Variants in RBM17 observed in about 807,000 individuals in gnomAD.
RBM17 encodes splicing factor 45.
RBM17 carries 7 observed loss-of-function variants against 53.2 expected under a neutral mutation model. The ratio of observed to expected loss-of-function variants is 0.13; its 90% CI spans 0.07 to 0.25. RBM17 has a LOEUF of 0.25. RBM17 is among the 10% of genes least tolerant of loss of function. RBM17 has a pLI of 1.00. For missense variants in RBM17, 257 were observed against 496.7 expected, an observed-to-expected ratio of 0.52 and a Z score of 4.59; for synonymous variants, 167 against 178.1, an observed-to-expected ratio of 0.94 and a Z score of 0.50.
chr10:6,090,758 T>A (rs926464201), intron 1 of RBM17, among the ~76,000 whole-genome samples: 1 of 152,034 alleles, frequency 6.6e-6, no homozygotes, highest in Non-Finnish European at 1.5e-5. Context: ...TGTAGTGGAC[T>A]GTGTTTGCAA....
At position 6,117,216 on chromosome 10, in the gene RBM17, C is replaced by G. The variant is rs1013859579; in HGVS notation, c.*1660C>G. On this transcript the variant is annotated 3_prime_UTR_variant, in exon 12 of 12. Transcript: ENST00000379888. ...CAACCAACTCATACTACTTGATTTC[C>G]GTTCGCATGAGGACAGCTTGGTGTG... 6.6e-6 allele frequency: 1 copy of G among 152,294 alleles called. No individual in the cohort carries two copies. Among genetic ancestry groups the G allele is most frequent in the African/African-American group, 2.4e-5 (1 of 41,432 alleles). 9.4% of individuals were successfully genotyped at this position (152,294 alleles called of 1,614,324 possible).
chr10:6,097,012 G>A, intron 1 of RBM17, 36 bp from the exon 2 acceptor site: 2 of 1,581,364 alleles, frequency 1.3e-6, no homozygotes, highest in South Asian at 2.3e-5. Context: ...TTATTGAATT[G>A]TGCATTCTTT....
chr10:6,095,851 C>G (rs1049465613), intron 1 of RBM17, among the ~76,000 whole-genome samples: 3 of 152,100 alleles, frequency 2.0e-5, no homozygotes, highest in African/African-American at 7.2e-5. Flanking sequence ...CTTAGAATCC[C>G]TGTAATGGGG....
intron 4 of RBM17, 50 bp from the exon 5 acceptor site, chr10:6,106,091 C>G (rs747901137): frequency 7.6e-7 from 1 of 1,313,562 alleles, no homozygotes; most frequent in Non-Finnish European, 1.1e-6. Context: ...AGGTTCAGGT[C>G]TCTAAATTGG....
At chr10:6,110,557 AC>A (rs1408547760) in intron 7 of RBM17, among the ~76,000 whole-genome samples, 2 of 152,178 alleles carry the variant, frequency 1.3e-5, no homozygotes. Context: ...GGTCATTCTA[AC>A]TACAAGTTGA....
At chr10:6,106,073 G>A in intron 4 of RBM17, 68 bp from the exon 5 acceptor site, 1 of 1,076,894 alleles carries the variant, frequency 9.3e-7, no homozygotes, top group Admixed American at 1.8e-5. Flanking sequence ...TCAAGAGGAA[G>A]TCATCCCAGG....
At chr10:6,101,715 T>C (rs1012270984) in intron 3 of RBM17, among the ~76,000 whole-genome samples, 1 of 151,534 alleles carries the variant, frequency 6.6e-6, no homozygotes, top group African/African-American at 2.4e-5. Context: ...TCTTACTTAA[T>C]ACGTTGTGAC....
intron 2 of RBM17, among the ~76,000 whole-genome samples, chr10:6,097,807 A>T (rs1252042074): frequency 6.6e-6 from 1 of 152,228 alleles, no homozygotes; most frequent in Non-Finnish European, 1.5e-5. Flanking sequence ...TACTCCTGAT[A>T]TTCTGGTAAA....
At position 6,114,156 on chromosome 10, in the gene RBM17, G is replaced by C; in HGVS notation, c.1029+9G>C. The C allele has an allele frequency of 1.3e-6, 2 of 1,488,458 alleles. No individual in the cohort carries two copies. The highest frequency in any genetic ancestry group is 1.9e-6 in the Non-Finnish European group (2 of 1,068,376). The allele number at this position is 1,488,458 out of a possible 1,614,324, so 92.2% of individuals were successfully genotyped here. A position where few individuals can be genotyped will look rare whatever the true frequency, so the allele number is the denominator to read the frequency against. On this transcript the variant is annotated intron_variant, in intron 10 of 11. Coordinates refer to ENST00000379888, the MANE Select transcript of RBM17 (RefSeq NM_032905.5). ...AATGTGTGATATTTGAAGTAAGAGT[G>C]TTTTCTTTTGATGTTTATAACACAA...
At chr10:6,093,967 AAT>A (rs1840528834) in intron 1 of RBM17, among the ~76,000 whole-genome samples, 1 of 136,626 alleles carries the variant, frequency 7.3e-6, no homozygotes, top group African/African-American at 2.8e-5. Flanking sequence ...TCAAGTGTGG[AAT>A]TTTTTTTTTT....
intron 6 of RBM17, 66 bp downstream of exon 6, chr10:6,108,808 C>T (rs1386081475): frequency 1.8e-5 from 23 of 1,270,846 alleles, no homozygotes; most frequent in Non-Finnish European, 1.1e-6. Flanking sequence ...TGGGGGATCT[C>T]AGCTTGGGCC....
Position 6,101,366 on chromosome 10 carries a change from G to C in RBM17, c.219G>C (p.Pro73=), listed in dbSNP as rs145617186. 1.6e-5 allele frequency: 26 copies of C among 1,611,706 alleles called. No individual in the cohort carries two copies. In the East Asian group the frequency reaches 5.6e-4, roughly 35 times the overall value. ...SDDRQIVDTP[P]HVAAGLKDPV... is the part of the protein sequence containing the mutation. Reference sequence around the variant, plus strand: ...ACCGGCAAATTGTGGACACTCCACCGCATGTAGCAGCTGGGCTGAAGGTAA... The same window carrying C: ...ACCGGCAAATTGTGGACACTCCACCCCATGTAGCAGCTGGGCTGAAGGTAA... The change falls in exon 3 of 12, where the codon CCG becomes CCC. Residue 73 remains proline (P), a synonymous_variant. Coordinates refer to ENST00000379888, the MANE Select transcript of RBM17 (RefSeq NM_032905.5).
Position 6,115,691 on chromosome 10 carries a change from G to A in RBM17, c.*135G>A, listed in dbSNP as rs41295367. ...TGGAAGGACTTCTAAGATATATGTTGATTGATCCCTTTTTTATTTTGTGGT... is the reference window on the plus strand; with the variant it reads ...TGGAAGGACTTCTAAGATATATGTTAATTGATCCCTTTTTTATTTTGTGGT... On this transcript the variant is annotated 3_prime_UTR_variant, in exon 12 of 12. Coordinates refer to ENST00000379888, the MANE Select transcript of RBM17 (RefSeq NM_032905.5). The A allele has an allele frequency of 4.7e-3, 2,601 of 549,482 alleles. 12 individuals are homozygous for A. The highest frequency in any genetic ancestry group is 6.9e-3 in the Non-Finnish European group (2,141 of 310,178). The allele number at this position is 549,482 out of a possible 1,614,324, so 34.0% of individuals were successfully genotyped here.
intron 7 of RBM17, among the ~76,000 whole-genome samples, chr10:6,111,350 T>C (rs1445499661): frequency 6.6e-6 from 1 of 152,218 alleles, no homozygotes; most frequent in Non-Finnish European, 1.5e-5. Flanking sequence ...ATAATTTATT[T>C]GTTTTCTGAG....
At chr10:6,094,818 T>C (rs2132938601) in intron 1 of RBM17, among the ~76,000 whole-genome samples, 1 of 152,280 alleles carries the variant, frequency 6.6e-6, no homozygotes, top group East Asian at 1.9e-4. Flanking sequence ...TTCTGGCCAG[T>C]GATTATTGGC....
At chr10:6,098,912 A>C (rs1162618239) in intron 2 of RBM17, among the ~76,000 whole-genome samples, 1 of 151,770 alleles carries the variant, frequency 6.6e-6, no homozygotes, top group Non-Finnish European at 1.5e-5. Context: ...ACATCAATAG[A>C]TACTTACATG....
At chr10:6,114,735 A>G (rs1840890675) in intron 10 of RBM17, 1 of 158,938 alleles carries the variant, frequency 6.3e-6, no homozygotes, top group Admixed American at 6.1e-5. Flanking sequence ...GATTGGGATA[A>G]TGGCTCGTAG....
At chr10:6,110,737 G>T (rs1208287493) in intron 7 of RBM17, among the ~76,000 whole-genome samples, 2 of 152,172 alleles carry the variant, frequency 1.3e-5, no homozygotes, top group Non-Finnish European at 2.9e-5. Context: ...TCACATGAAG[G>T]CTTTGTTCTG....
At chr10:6,098,556 G>GGTTTTTTTTTTTTTTTT (rs1840613398) in intron 2 of RBM17, among the ~76,000 whole-genome samples, 2 of 87,976 alleles carry the variant, frequency 2.3e-5, no homozygotes, top group Non-Finnish European at 4.5e-5. Context: ...TAATACACAG[G>GGTTTTTTTTTTTTTTTT]TTTTTTGTTT....
Sources: gnomAD v4.1 joint callset for allele counts (sites outside exome capture counted in the v4.1 genomes callset) on GRCh38, gnomAD v4.1.1 for gene constraint, MANE v1.5 for transcripts, NCBI Gene and HGNC (gene_info 2026-07-23, HGNC 2026-07-21) for gene names.